LHFPL1: variants seen among roughly 807,000 people sequenced by gnomAD.
LHFPL1 encodes LHFPL tetraspan subfamily member 1.
A neutral mutation model predicts 12.1 loss-of-function variants in LHFPL1; 4 were observed. The ratio of observed to expected loss-of-function variants is 0.33; its 90% confidence interval spans 0.16 to 0.76. LHFPL1 has a LOEUF of 0.76. LHFPL1 is among the 30% of genes least tolerant of loss of function. The probability of loss-of-function intolerance (pLI) is 0.61; values close to 1 mark genes in which losing one functional copy is unlikely to be tolerated. For synonymous variants in LHFPL1, 52 were observed against 61.9 expected, an observed-to-expected ratio of 0.84 and a Z score of 0.75; for missense variants, 141 against 174.1, an observed-to-expected ratio of 0.81 and a Z score of 1.07.
chrX:112,664,549 T>G (rs1931277452), intron 2 of LHFPL1, among the ~76,000 whole-genome samples: 1 of 111,575 alleles, frequency 9.0e-6, no homozygotes, highest in Non-Finnish European at 1.9e-5. Flanking sequence ...TGTAGCTCCG[T>G]GCTCTGCCCA....
At chrX:112,654,986 A>C (rs1930957309) in intron 3 of LHFPL1, among the ~76,000 whole-genome samples, 1 of 111,975 alleles carries the variant, frequency 8.9e-6, no homozygotes, top group Non-Finnish European at 1.9e-5. Context: ...TCACATGTCT[A>C]GTGCCTTGGC....
chrX:112,656,399 AC>A (rs1433912861), intron 3 of LHFPL1, among the ~76,000 whole-genome samples: 5 of 108,737 alleles, frequency 4.6e-5, no homozygotes, highest in Non-Finnish European at 9.5e-5. Flanking sequence ...TAAAAAAAAA[AC>A]ATAGCTAACA....
chrX:112,650,076 G>A (rs1017987716), intron 3 of LHFPL1, among the ~76,000 whole-genome samples: 2 of 111,208 alleles, frequency 1.8e-5, no homozygotes, highest in African/African-American at 6.5e-5. Flanking sequence ...TTTTCTAGTG[G>A]TGTGTGGATT....
chrX:112,673,950 G>A (rs1050503178), intron 1 of LHFPL1, among the ~76,000 whole-genome samples: 1 of 111,629 alleles, frequency 9.0e-6, no homozygotes, highest in Admixed American at 9.5e-5. Context: ...AACTAACTCC[G>A]AATGTCCCTC....
intron 3 of LHFPL1, among the ~76,000 whole-genome samples, chrX:112,640,019 C>A (rs1432497680): frequency 9.0e-6 from 1 of 111,710 alleles, no homozygotes; most frequent in African/African-American, 3.3e-5. Context: ...AACATCTGCT[C>A]AGTAGTCCTC....
At chrX:112,637,579 T>A (rs1930380308) in intron 3 of LHFPL1, among the ~76,000 whole-genome samples, 2 of 111,529 alleles carry the variant, frequency 1.8e-5, no homozygotes, top group Admixed American at 9.5e-5. Flanking sequence ...GGAGAGTGAA[T>A]CCAAAAAAGG....
In LHFPL1 at chrX:112,633,866, T is replaced by C. The variant is rs1034417073; in HGVS notation, c.482-2265A>G. Among the ~76,000 whole-genome samples the C allele has an allele frequency of 9.9e-5, 11 of 111,472 alleles. No individual in the cohort carries two copies. In the East Asian group the frequency reaches 3.1e-3, roughly 32 times the overall value. On this transcript the variant is annotated intron_variant, in intron 3 of 3. Coordinates refer to ENST00000371968, the MANE Select transcript of LHFPL1 (RefSeq NM_178175.4). ...AAAGTAGTTTAAACGTGAACAACAA[T>C]GGTGGACTCTCAAGACAGTAAACTG...
At chrX:112,673,460 A>G (rs1569369240) in intron 1 of LHFPL1, among the ~76,000 whole-genome samples, 1 of 111,441 alleles carries the variant, frequency 9.0e-6, no homozygotes, top group East Asian at 2.8e-4. Context: ...TGCTTGTTGT[A>G]TTAGAGTTTG....
chrX:112,637,007 G>A (rs1175916035), intron 3 of LHFPL1, among the ~76,000 whole-genome samples: 1 of 111,557 alleles, frequency 9.0e-6, no homozygotes, highest in East Asian at 2.8e-4. Context: ...GGAGAAAAGA[G>A]GTTCTAACTG....
chrX:112,673,530 C>T (rs1931570853), intron 1 of LHFPL1, among the ~76,000 whole-genome samples: 1 of 111,533 alleles, frequency 9.0e-6, no homozygotes. Context: ...ATGAAGCAGC[C>T]CAGGCCAGAG....
chrX:112,671,558 G>A (rs1159965796), intron 1 of LHFPL1, 154 bp from the exon 2 acceptor site: 2 of 1,110,914 alleles, frequency 1.8e-6, no homozygotes, highest in Non-Finnish European at 1.2e-6. Flanking sequence ...TTCTCTCGAG[G>A]ACCATTTGGA....
intron 3 of LHFPL1, among the ~76,000 whole-genome samples, chrX:112,653,332 A>G (rs927277589): frequency 9.0e-6 from 1 of 111,695 alleles, no homozygotes; most frequent in Non-Finnish European, 1.9e-5. Context: ...GCCAATTACA[A>G]GCTCTGTGCC....
intron 2 of LHFPL1, among the ~76,000 whole-genome samples, chrX:112,664,322 A>C (rs1931270370): frequency 8.9e-6 from 1 of 111,912 alleles, no homozygotes; most frequent in Admixed American, 9.5e-5. Context: ...ATTCTTATAC[A>C]GCTGACTCTC....
At chrX:112,669,299 A>T (rs948250929) in intron 2 of LHFPL1, among the ~76,000 whole-genome samples, 2 of 112,470 alleles carry the variant, frequency 1.8e-5, no homozygotes, top group African/African-American at 6.5e-5. Flanking sequence ...GTTTAAAAAT[A>T]AAAGTGAAAG....
rs148141350 is a variant in LHFPL1 at position 112,670,498 on chromosome X, A to G, written c.382+511T>C. On this transcript the variant is annotated intron_variant, in intron 2 of 3. Coordinates refer to ENST00000371968, the MANE Select transcript of LHFPL1 (RefSeq NM_178175.4). The stretch of plus-strand genomic sequence containing the variant: ...AGGGCTAGCCTTAGATGTGGTCCAG[A>G]TAAGTAGTCATCTACAGTTTTTGTG... Among the ~76,000 whole-genome samples the G allele has an allele frequency of 3.7e-3, 417 of 112,644 alleles. 1 individual carries two copies. Among genetic ancestry groups the G allele is most frequent in the African/African-American group, 0.013 (403 of 30,985 alleles).
intron 3 of LHFPL1, among the ~76,000 whole-genome samples, chrX:112,647,943 G>GAGTGGAT (rs1327073674): frequency 8.9e-6 from 1 of 111,815 alleles, no homozygotes; most frequent in African/African-American, 3.3e-5. Context: ...ACCAGTGATA[G>GAGTGGAT]AGTGGATAAA....
chrX:112,637,402 T>C (rs1956697378), intron 3 of LHFPL1, among the ~76,000 whole-genome samples: 1 of 111,723 alleles, frequency 9.0e-6, no homozygotes, highest in Non-Finnish European at 1.9e-5. Flanking sequence ...TAGCTGTCAA[T>C]GGGTCATGAT....
intron 3 of LHFPL1, among the ~76,000 whole-genome samples, chrX:112,647,721 T>C (rs927502040): frequency 8.9e-6 from 1 of 112,046 alleles, no homozygotes; most frequent in African/African-American, 3.2e-5. Flanking sequence ...TTTACACTGT[T>C]GGTGGGAGTG....
intron 3 of LHFPL1, among the ~76,000 whole-genome samples, chrX:112,643,080 T>TAAA (rs774495839): frequency 3.6e-5 from 3 of 82,803 alleles, no homozygotes; most frequent in Middle Eastern, 5.5e-3. Flanking sequence ...CTGGGTAATT[T>TAAA]AAAAAAAAAA....
Sources: gnomAD v4.1 joint callset for allele counts (sites outside exome capture counted in the v4.1 genomes callset) on GRCh38, gnomAD v4.1.1 for gene constraint, MANE v1.5 for transcripts, NCBI Gene and HGNC (gene_info 2026-07-23, HGNC 2026-07-21) for gene names.